Variants in RBFOX1 observed in about 807,000 individuals in gnomAD.
RBFOX1 encodes RNA binding fox-1 homolog 1, also known as RNA binding protein fox-1 homolog 1.
Under a neutral mutation model 57.7 loss-of-function variants are expected in RBFOX1, and 8 were observed. That is an observed-to-expected ratio of 0.14 (90% CI 0.08 to 0.25). The LOEUF (loss-of-function observed/expected upper bound fraction) is 0.25. Among genes scored for constraint, RBFOX1 ranks in the 10% least tolerant of loss-of-function variants. RBFOX1 has a pLI of 1.00. For missense variants in RBFOX1, 611 were observed against 548.5 expected (o/e 1.11, Z -1.14); for synonymous variants, 326 against 222.4 (o/e 1.47, Z -4.15).
intron 3 of RBFOX1, among the ~76,000 whole-genome samples, chr16:6,936,373 C>T (rs985682091): frequency 1.1e-4 from 16 of 152,066 alleles, no homozygotes; most frequent in African/African-American, 3.4e-4. Flanking sequence ...TAGGCACAAA[C>T]AGAAACAAAT....
intron 2 of RBFOX1, among the ~76,000 whole-genome samples, chr16:6,530,101 C>A (rs146175337): frequency 3.4e-4 from 52 of 152,286 alleles, no homozygotes; most frequent in African/African-American, 1.2e-3. Context: ...CTTGTAGCTT[C>A]CGAAAAGGAG....
At chr16:6,747,913 A>C (rs1050809575) in intron 3 of RBFOX1, among the ~76,000 whole-genome samples, 1 of 152,202 alleles carries the variant, frequency 6.6e-6, no homozygotes. Context: ...GGTGGAAAGC[A>C]CAACACGCTA....
At position 7,479,198 on chromosome 16, in the gene RBFOX1, A is replaced by G. The variant is rs1465769093; in HGVS notation, c.28-38949A>G. ...GAGCGCAGTGGTGTGATCTCGGCTC[A>G]GTGCAACTTCTGCCTCCCGAGTTGA... On this transcript the variant is annotated intron_variant, in intron 4 of 15. Transcript: ENST00000550418. Among the ~76,000 whole-genome samples, 4 of 149,704 alleles carry G rather than the reference A, an allele frequency of 2.7e-5. 1 individual carries two copies. Among genetic ancestry groups the G allele is most frequent in the Non-Finnish European group, 3.0e-5 (2 of 67,288 alleles).
chr16:6,793,255 G>A (rs900042252), intron 3 of RBFOX1, among the ~76,000 whole-genome samples: 5 of 152,100 alleles, frequency 3.3e-5, no homozygotes, highest in South Asian at 2.1e-4. Flanking sequence ...TAGACCGATT[G>A]GAGGAGAAAT....
intron 3 of RBFOX1, among the ~76,000 whole-genome samples, chr16:6,802,016 C>G (rs538267656): frequency 1.3e-5 from 2 of 152,118 alleles, no homozygotes; most frequent in African/African-American, 2.4e-5. Context: ...TGGGGGAGTT[C>G]TTTTAGACCC....
rs57208986 is a variant in RBFOX1 at position 6,460,827 on chromosome 16, C to CAAAAAAAAA, written c.-64+143776_-64+143784dup. The stretch of plus-strand genomic sequence containing the variant: ...TTAATAGAAGCACTATTCAGAATAC[C>CAAAAAAAAA]AAAAAAAAAAAAAAGTGGAATCAAC... On this transcript the variant is annotated intron_variant, in intron 2 of 15. Transcript: ENST00000550418. 6.4e-5 allele frequency among the ~76,000 whole-genome samples: 9 copies of CAAAAAAAAA among 141,344 alleles called. 1 individual carries two copies. The highest frequency in any genetic ancestry group is 1.6e-4 in the African/African-American group (6 of 38,008). 92.7% of individuals were successfully genotyped at this position (141,344 alleles called of 152,430 possible).
chr16:6,539,128 A>C (rs137921529), intron 2 of RBFOX1, among the ~76,000 whole-genome samples: 357 of 151,864 alleles, frequency 2.4e-3, no homozygotes, highest in African/African-American at 8.2e-3. Flanking sequence ...TTTGGTGAAA[A>C]AAAAAAAGAA....
At chr16:5,466,061 C>T (rs8049130) in intron 1 of RBFOX1, among the ~76,000 whole-genome samples, 5 of 152,080 alleles carry the variant, frequency 3.3e-5, no homozygotes, top group African/African-American at 1.2e-4. Flanking sequence ...CCTGAAAGGT[C>T]TGACGTTTTG....
chr16:6,478,388 AATATATATAT>A (rs71406379), intron 2 of RBFOX1, among the ~76,000 whole-genome samples: 963 of 41,324 alleles, frequency 0.023, 30 homozygotes, highest in Non-Finnish European at 0.032. Context: ...ACACCCAGCT[AATATATATAT>A]ATATATATAT....
intron 4 of RBFOX1, among the ~76,000 whole-genome samples, chr16:7,127,123 A>T (rs1267868554): frequency 6.6e-6 from 1 of 152,156 alleles, no homozygotes; most frequent in East Asian, 1.9e-4. Flanking sequence ...TGTGGTCATA[A>T]ATGGTGGCTG....
At chr16:6,941,714 G>C (rs1369330720) in intron 3 of RBFOX1, among the ~76,000 whole-genome samples, 1 of 152,124 alleles carries the variant, frequency 6.6e-6, no homozygotes, top group Non-Finnish European at 1.5e-5. Flanking sequence ...GATAGACAGA[G>C]AGAGATTGGA....
chr16:5,308,526 AGAT>A (rs1399211903), intron 1 of RBFOX1, among the ~76,000 whole-genome samples: 1 of 152,176 alleles, frequency 6.6e-6, no homozygotes, highest in Non-Finnish European at 1.5e-5. Context: ...TGGCTGTGAT[AGAT>A]GAGATTTAGC....
chr16:6,868,711 C>G (rs939086593), intron 3 of RBFOX1, among the ~76,000 whole-genome samples: 1 of 152,100 alleles, frequency 6.6e-6, no homozygotes, highest in Admixed American at 6.5e-5. Context: ...TCTCAGGTGA[C>G]CCACTTGCTT....
At chr16:6,888,031 G>A (rs1199406899) in intron 3 of RBFOX1, among the ~76,000 whole-genome samples, 4 of 152,024 alleles carry the variant, frequency 2.6e-5, no homozygotes, top group African/African-American at 7.2e-5. Flanking sequence ...GATTTGAGGT[G>A]TTTGCTTGTG....
intron 2 of RBFOX1, among the ~76,000 whole-genome samples, chr16:6,541,133 T>C (rs1246857200): frequency 6.6e-6 from 1 of 152,112 alleles, no homozygotes; most frequent in African/African-American, 2.4e-5. Context: ...ATAACCTGAG[T>C]GTTCACAGTG....
At chr16:5,629,353 C>T (rs1031551561) in intron 3 of RBFOX1, among the ~76,000 whole-genome samples, 4 of 152,114 alleles carry the variant, frequency 2.6e-5, no homozygotes, top group Non-Finnish European at 5.9e-5. Context: ...AAGAGCAGAC[C>T]CAGCTATAAA....
At chr16:7,709,207 T>A in intron 15 of RBFOX1, 76 bp downstream of exon 15, 1 of 1,344,392 alleles carries the variant, frequency 7.4e-7, no homozygotes, top group Non-Finnish European at 1.0e-6. Flanking sequence ...TCAGTACGGG[T>A]TGACGTCCTC....
intron 2 of RBFOX1, among the ~76,000 whole-genome samples, chr16:6,529,762 G>A (rs868179963): frequency 6.6e-6 from 1 of 151,958 alleles, no homozygotes; most frequent in African/African-American, 2.4e-5. Flanking sequence ...TCTACAAAAC[G>A]CCAAGTTGTA....
At chr16:6,926,892 C>T (rs1342291674) in intron 3 of RBFOX1, among the ~76,000 whole-genome samples, 1 of 152,104 alleles carries the variant, frequency 6.6e-6, no homozygotes, top group Admixed American at 6.5e-5. Flanking sequence ...GCGCATTGTC[C>T]TAGCAGGTAC....
Sources: allele counts gnomAD v4.1 joint callset (sites outside exome capture counted in the v4.1 genomes callset), GRCh38; gene constraint gnomAD v4.1.1; transcripts MANE v1.5; gene names NCBI Gene and HGNC (gene_info 2026-07-23, HGNC 2026-07-21).